Variants in AGBL4 observed in about 807,000 individuals in gnomAD.
AGBL4 encodes the protein AGBL carboxypeptidase 4.
In AGBL4, 58 loss-of-function variants were observed where a neutral mutation model predicts 66.4. That is an observed-to-expected ratio of 0.87 (90% CI 0.71 to 1.09). The LOEUF (loss-of-function observed/expected upper bound fraction) is 1.09. Ranked by LOEUF, AGBL4 falls within the 50% of genes least tolerant of loss-of-function variation. AGBL4 has a pLI of 0.00. For synonymous variants in AGBL4, 234 were observed against 222.9 expected, an observed-to-expected ratio of 1.05 and a Z score of -0.44; for missense variants, 579 against 631.0, an observed-to-expected ratio of 0.92 and a Z score of 0.88.
chr1:49,361,202 C>G (rs891212661), intron 3 of AGBL4, among the ~76,000 whole-genome samples: 16 of 152,144 alleles, frequency 1.1e-4, no homozygotes, highest in African/African-American at 3.4e-4. Flanking sequence ...CTAAAATAAA[C>G]ATTTATTGCA....
At chr1:48,966,437 AT>A (rs1328425402) in intron 5 of AGBL4, among the ~76,000 whole-genome samples, 19 of 152,174 alleles carry the variant, frequency 1.2e-4, no homozygotes, top group Non-Finnish European at 2.4e-4. Context: ...TAACTGCATG[AT>A]AATACACACA....
chr1:48,884,059 T>C (rs1324957988), intron 5 of AGBL4, among the ~76,000 whole-genome samples: 2 of 152,204 alleles, frequency 1.3e-5, no homozygotes, highest in Non-Finnish European at 2.9e-5. Flanking sequence ...AAGGACAAAG[T>C]ATGGGCTTTG....
intron 11 of AGBL4, among the ~76,000 whole-genome samples, chr1:48,582,843 G>A (rs1446066357): frequency 6.6e-6 from 1 of 152,202 alleles, no homozygotes; most frequent in African/African-American, 2.4e-5. Flanking sequence ...GAGAAGGGAA[G>A]TCAGAGAGCA....
chr1:49,684,387 G>T (rs1254230569), intron 3 of AGBL4, among the ~76,000 whole-genome samples: 1 of 151,862 alleles, frequency 6.6e-6, no homozygotes, highest in Non-Finnish European at 1.5e-5. Flanking sequence ...TATTTATATT[G>T]CAACAGCAAT....
intron 3 of AGBL4, among the ~76,000 whole-genome samples, chr1:49,332,910 T>C (rs173300): frequency 0.69 from 105,060 of 151,950 alleles, 37,147 homozygotes; most frequent in African/African-American, 0.8. Flanking sequence ...TATTTCTCCA[T>C]ATCCTCTCCA....
intron 2 of AGBL4, among the ~76,000 whole-genome samples, chr1:49,718,873 T>G (rs1465747372): frequency 6.6e-6 from 1 of 152,110 alleles, no homozygotes; most frequent in Non-Finnish European, 1.5e-5. Context: ...AATAATTTAT[T>G]TTTCTTTCTC....
chr1:49,983,185 AGAAG>A (rs529259804), intron 1 of AGBL4, among the ~76,000 whole-genome samples: 141 of 152,350 alleles, frequency 9.3e-4, no homozygotes, highest in African/African-American at 3.2e-3. Context: ...GCAGGCAACA[AGAAG>A]GAGAGAAGAG....
chr1:49,961,053 T>C (rs1021718607), intron 1 of AGBL4, among the ~76,000 whole-genome samples: 2 of 152,076 alleles, frequency 1.3e-5, no homozygotes, highest in Non-Finnish European at 2.9e-5. Flanking sequence ...CTGAGGAAGA[T>C]GGGTTACGTT....
At chr1:49,950,918 T>A (rs1472315024) in intron 1 of AGBL4, among the ~76,000 whole-genome samples, 1 of 151,886 alleles carries the variant, frequency 6.6e-6, no homozygotes, top group Non-Finnish European at 1.5e-5. Context: ...AAGAAGGGAA[T>A]CCTGTCATTT....
intron 6 of AGBL4, among the ~76,000 whole-genome samples, chr1:48,799,528 T>G (rs1267863351): frequency 2.6e-5 from 4 of 152,204 alleles, no homozygotes. Context: ...CTACTAATAC[T>G]ATGTTGAATA....
intron 8 of AGBL4, among the ~76,000 whole-genome samples, chr1:48,641,967 C>T (rs568477894): frequency 1.1e-4 from 17 of 152,144 alleles, no homozygotes; most frequent in African/African-American, 1.9e-4. Flanking sequence ...GGTTCCTTTA[C>T]GCAAACTGAC....
intron 3 of AGBL4, among the ~76,000 whole-genome samples, chr1:49,685,184 T>C (rs1646764952): frequency 6.6e-6 from 1 of 152,186 alleles, no homozygotes; most frequent in Non-Finnish European, 1.5e-5. Flanking sequence ...CCCATGTTAA[T>C]TCACTTAGGA....
chr1:49,362,766 A>G (rs533538231), intron 3 of AGBL4, among the ~76,000 whole-genome samples: 8 of 152,314 alleles, frequency 5.3e-5, no homozygotes, highest in African/African-American at 1.4e-4. Context: ...GCAGGTCCCA[A>G]AGGAATGTAT....
At chr1:49,126,084 C>A (rs1391328943) in intron 4 of AGBL4, among the ~76,000 whole-genome samples, 1 of 152,132 alleles carries the variant, frequency 6.6e-6, no homozygotes, top group African/African-American at 2.4e-5. Context: ...CCCCACAACA[C>A]AAGTCCAAGA....
chr1:48,754,070 T>C (rs902009725), intron 6 of AGBL4, among the ~76,000 whole-genome samples: 3 of 152,196 alleles, frequency 2.0e-5, no homozygotes, highest in African/African-American at 7.2e-5. Flanking sequence ...GAGAGTCTTA[T>C]TTGAACTAAT....
intron 3 of AGBL4, among the ~76,000 whole-genome samples, chr1:49,628,855 G>A (rs897776667): frequency 1.8e-4 from 27 of 152,170 alleles, no homozygotes; most frequent in African/African-American, 5.8e-4. Context: ...AAGAATATGT[G>A]TGACAAAGAA....
intron 2 of AGBL4, among the ~76,000 whole-genome samples, chr1:49,796,173 A>T (rs1644724993): frequency 6.6e-6 from 1 of 151,964 alleles, no homozygotes; most frequent in Non-Finnish European, 1.5e-5. Context: ...CATTAAAATA[A>T]GTTTAACTTT....
chr1:48,913,585 A>T (rs1002486485), intron 5 of AGBL4, among the ~76,000 whole-genome samples: 2 of 152,170 alleles, frequency 1.3e-5, no homozygotes, highest in Admixed American at 6.5e-5. Flanking sequence ...CCTTATGAGA[A>T]TCTAATGCCT....
intron 9 of AGBL4, among the ~76,000 whole-genome samples, chr1:48,600,039 T>C (rs151076032): frequency 6.6e-6 from 1 of 151,752 alleles, no homozygotes; most frequent in Non-Finnish European, 1.5e-5. Flanking sequence ...GGTGAAAGAA[T>C]ACAAGGAAAG....
Sources: allele counts gnomAD v4.1 joint callset (sites outside exome capture counted in the v4.1 genomes callset), GRCh38; gene constraint gnomAD v4.1.1; transcripts MANE v1.5; gene names NCBI Gene and HGNC (gene_info 2026-07-23, HGNC 2026-07-21).